EIF4G3: variants seen among roughly 807,000 people sequenced by gnomAD.
EIF4G3 encodes eukaryotic translation initiation factor 4 gamma 3.
In EIF4G3, 34 loss-of-function variants were observed where a neutral mutation model predicts 186.4. The observed-to-expected ratio is 0.18, with a 90% CI of 0.14 to 0.24. EIF4G3 has a LOEUF of 0.24. Ranked by LOEUF, EIF4G3 falls within the 10% of genes least tolerant of loss-of-function variation. The pLI is 1.00. For missense variants in EIF4G3, 1,536 were observed against 1,948.5 expected, an observed-to-expected ratio of 0.79 and a Z score of 3.99; for synonymous variants, 673 against 679.5, an observed-to-expected ratio of 0.99 and a Z score of 0.15.
At chr1:21,028,293 T>C (rs1283130695) in intron 4 of EIF4G3, among the ~76,000 whole-genome samples, 1 of 152,250 alleles carries the variant, frequency 6.6e-6, no homozygotes, top group Non-Finnish European at 1.5e-5. Context: ...TTGTGCTATT[T>C]GCATTTTAAC....
intron 2 of EIF4G3, among the ~76,000 whole-genome samples, chr1:21,171,262 A>G (rs889823877): frequency 3.3e-5 from 5 of 152,240 alleles, no homozygotes; most frequent in East Asian, 1.9e-4. Flanking sequence ...ATTAGCTCAA[A>G]GTATTATTCC....
chr1:21,067,960 A>G (rs1361611812), intron 3 of EIF4G3, among the ~76,000 whole-genome samples: 1 of 151,644 alleles, frequency 6.6e-6, no homozygotes. Flanking sequence ...AAAAAAGAAA[A>G]CCCCTATGTT....
intron 32 of EIF4G3, among the ~76,000 whole-genome samples, chr1:20,826,403 G>C (rs1029889914): frequency 1.3e-5 from 2 of 150,118 alleles, no homozygotes; most frequent in African/African-American, 4.9e-5. Context: ...CTGACCTCAA[G>C]TGATCCACCC....
intron 2 of EIF4G3, among the ~76,000 whole-genome samples, chr1:21,159,687 C>T (rs1023694288): frequency 6.6e-6 from 1 of 152,044 alleles, no homozygotes; most frequent in African/African-American, 2.4e-5. Flanking sequence ...CTGCAGTGAG[C>T]CAGGTATGGT....
intron 10 of EIF4G3, among the ~76,000 whole-genome samples, chr1:20,975,108 G>C (rs1315682684): frequency 6.6e-6 from 1 of 152,004 alleles, no homozygotes; most frequent in Non-Finnish European, 1.5e-5. Context: ...TCTAAGCAGA[G>C]GGCATGACTA....
intron 4 of EIF4G3, among the ~76,000 whole-genome samples, chr1:21,040,687 GTGT>G (rs1201110562): frequency 2.0e-5 from 3 of 152,222 alleles, no homozygotes; most frequent in Admixed American, 1.3e-4. Context: ...TAATTTAACT[GTGT>G]TGTTATTACA....
chr1:20,951,533 C>G (rs2096218858), intron 12 of EIF4G3, among the ~76,000 whole-genome samples: 1 of 151,898 alleles, frequency 6.6e-6, no homozygotes, highest in Non-Finnish European at 1.5e-5. Flanking sequence ...TACTGAAATT[C>G]AATAGAAAGG....
chr1:21,125,294 G>A (rs2097009853), intron 2 of EIF4G3, among the ~76,000 whole-genome samples: 1 of 152,094 alleles, frequency 6.6e-6, no homozygotes, highest in Non-Finnish European at 1.5e-5. Flanking sequence ...AACGAAAATA[G>A]GGAAGTCTCA....
At chr1:20,855,375 C>T (rs2074571080) in intron 25 of EIF4G3, among the ~76,000 whole-genome samples, 1 of 152,110 alleles carries the variant, frequency 6.6e-6, no homozygotes, top group South Asian at 2.1e-4. Flanking sequence ...TCTAATCATT[C>T]TTCTTGTACA....
At chr1:20,887,347 T>C (rs1008451481) in intron 18 of EIF4G3, among the ~76,000 whole-genome samples, 7 of 152,120 alleles carry the variant, frequency 4.6e-5, no homozygotes, top group African/African-American at 1.7e-4. Flanking sequence ...TGCTGCCCTT[T>C]TGAATTCATT....
chr1:20,991,306 G>A (rs1203262261), intron 7 of EIF4G3, among the ~76,000 whole-genome samples: 3 of 152,030 alleles, frequency 2.0e-5, no homozygotes, highest in East Asian at 1.9e-4. Context: ...AGTGGCTCAC[G>A]CCTTTAAACC....
At chr1:21,037,621 T>A (rs2093312659) in intron 4 of EIF4G3, among the ~76,000 whole-genome samples, 1 of 152,226 alleles carries the variant, frequency 6.6e-6, no homozygotes. Flanking sequence ...AAGCATATTA[T>A]CTGTAAAAAA....
rs570437409 is a variant in EIF4G3, at chr1:21,159,438, A to AG, written c.-272+16736_-272+16737insC. The stretch of plus-strand genomic sequence containing the variant: ...GGTGACAGAGCAAGGGTTTAAAAAA[A>AG]AAAAAAAGAAAAAAAAAGGCTGGCG... On this transcript the variant is annotated intron_variant, in intron 2 of 36. Transcript: ENST00000602326. 5.6e-3 allele frequency among the ~76,000 whole-genome samples: 858 copies of AG among 152,028 alleles called. 13 individuals are homozygous for AG. The highest frequency in any genetic ancestry group is 0.02 in the African/African-American group (822 of 41,510).
chr1:21,172,189 G>A (rs2103077078), intron 2 of EIF4G3, among the ~76,000 whole-genome samples: 1 of 150,792 alleles, frequency 6.6e-6, no homozygotes, highest in African/African-American at 2.4e-5. Flanking sequence ...GAGCAGCAAT[G>A]GAATTGGAAA....
At chr1:21,148,448 A>G (rs1338075093) in intron 2 of EIF4G3, among the ~76,000 whole-genome samples, 1 of 152,008 alleles carries the variant, frequency 6.6e-6, no homozygotes, top group African/African-American at 2.4e-5. Flanking sequence ...CACACCTGTC[A>G]TCCCAGCACT....
At chr1:21,084,905 T>A in intron 3 of EIF4G3, among the ~76,000 whole-genome samples, 1 of 152,126 alleles carries the variant, frequency 6.6e-6, no homozygotes, top group East Asian at 1.9e-4. Flanking sequence ...AGATGTAATA[T>A]CCATGAGGGC....
chr1:21,088,216 AGGAGTTCGAG>A (rs2096061919), intron 3 of EIF4G3, among the ~76,000 whole-genome samples: 1 of 152,120 alleles, frequency 6.6e-6, no homozygotes, highest in African/African-American at 2.4e-5. Flanking sequence ...ACTTGAGGTC[AGGAGTTCGAG>A]ACCAACCAAC....
At chr1:20,954,710 A>G (rs1414831575) in intron 12 of EIF4G3, among the ~76,000 whole-genome samples, 1 of 152,140 alleles carries the variant, frequency 6.6e-6, no homozygotes, top group Non-Finnish European at 1.5e-5. Context: ...ACAAAACACT[A>G]TGAATCTACT....
intron 2 of EIF4G3, among the ~76,000 whole-genome samples, chr1:21,162,394 A>C (rs1305675707): frequency 6.6e-6 from 1 of 151,608 alleles, no homozygotes; most frequent in East Asian, 1.9e-4. Context: ...CGTTGCAGTG[A>C]ACTGAGATCA....
Sources: allele counts gnomAD v4.1 joint callset (sites outside exome capture counted in the v4.1 genomes callset), GRCh38; gene constraint gnomAD v4.1.1; transcripts MANE v1.5; gene names NCBI Gene and HGNC (gene_info 2026-07-23, HGNC 2026-07-21).